PDE11A: variants seen among roughly 807,000 people sequenced by gnomAD.
PDE11A encodes dual 3',5'-cyclic-AMP and -GMP phosphodiesterase 11A.
In PDE11A, 100 loss-of-function variants were observed where a neutral mutation model predicts 100.5. That is an observed-to-expected ratio of 1.00 (90% CI 0.85 to 1.18). The LOEUF (loss-of-function observed/expected upper bound fraction) is 1.18, where lower values mean the gene tolerates loss of function less well. PDE11A is among the 50% of genes most tolerant of loss of function. The probability of loss-of-function intolerance (pLI) is 0.00; values close to 1 mark genes in which losing one functional copy is unlikely to be tolerated. For missense variants in PDE11A, 1,141 were observed against 1,152.6 expected (o/e 0.99, Z 0.15); for synonymous variants, 381 against 420.8 (o/e 0.91, Z 1.16).
At chr2:178,104,326 A>G (rs1316327502) in exon 2 of PDE11A, 9 of 1,614,120 alleles carry the variant, frequency 5.6e-6, no homozygotes, top group East Asian at 2.2e-5. Context: ...GCCTCTGTAT[A>G]AGAAAATCCT....
At chr2:177,993,895 T>C (rs1351122053) in intron 2 of PDE11A, among the ~76,000 whole-genome samples, 1 of 151,832 alleles carries the variant, frequency 6.6e-6, no homozygotes, top group Non-Finnish European at 1.5e-5. Context: ...TATGAGTTAA[T>C]ATATATGTAT....
chr2:177,921,939 G>A (rs1479291167), intron 2 of PDE11A: 5 of 152,222 alleles, frequency 3.3e-5, no homozygotes, highest in African/African-American at 4.8e-5. Flanking sequence ...GATGAATGGG[G>A]AAATCTGACA....
At chr2:178,044,822 C>T (rs2086729365) in intron 1 of PDE11A, among the ~76,000 whole-genome samples, 1 of 152,162 alleles carries the variant, frequency 6.6e-6, no homozygotes, top group Admixed American at 6.5e-5. Context: ...ACATTAGAAA[C>T]TCTCCATTTC....
chr2:177,821,249 A>G (rs111512003), intron 6 of PDE11A, among the ~76,000 whole-genome samples: 2 of 152,008 alleles, frequency 1.3e-5, no homozygotes, highest in African/African-American at 2.4e-5. Context: ...GATATCTTCT[A>G]TTCATTGTAC....
intron 6 of PDE11A, among the ~76,000 whole-genome samples, chr2:177,833,316 T>A (rs2083340873): frequency 6.6e-6 from 1 of 152,196 alleles, no homozygotes; most frequent in Non-Finnish European, 1.5e-5. Context: ...TGTTGCAAAC[T>A]AAGTGATATG....
chr2:177,755,286 T>C (rs2082076420), intron 10 of PDE11A, among the ~76,000 whole-genome samples: 1 of 152,248 alleles, frequency 6.6e-6, no homozygotes, highest in Non-Finnish European at 1.5e-5. Context: ...TTTAAGGACA[T>C]AGTAGAACAT....
intron 2 of PDE11A, among the ~76,000 whole-genome samples, chr2:177,922,193 T>G (rs1258874578): frequency 6.6e-6 from 1 of 152,166 alleles, no homozygotes; most frequent in African/African-American, 2.4e-5. Flanking sequence ...TGCATGACTC[T>G]CAAGTTTATA....
chr2:178,101,983 A>C (rs774260728), intron 2 of PDE11A, among the ~76,000 whole-genome samples: 15 of 151,658 alleles, frequency 9.9e-5, no homozygotes, highest in Admixed American at 2.0e-4. Context: ...TGTTTTTTTG[A>C]GACAGGGTCT....
In PDE11A at chr2:177,631,551, A is replaced by AGTG. The variant is rs1491246368; in HGVS notation, c.2647-1990_2647-1989insCAC. Among the ~76,000 whole-genome samples, 31 of 29,660 alleles carry AGTG rather than the reference A, an allele frequency of 1.0e-3. 8 individuals are homozygous for AGTG. Among genetic ancestry groups the AGTG allele is most frequent in the East Asian group, 2.6e-3 (2 of 768 alleles). 19.5% of individuals were successfully genotyped at this position (29,660 alleles called of 152,430 possible). A position where few individuals can be genotyped will look rare whatever the true frequency, so the allele number is the denominator to read the frequency against. ...TATATATATATATATATATATACAC[A>AGTG]TGTATATATATATATATACATGTAT... On this transcript the variant is annotated intron_variant, in intron 19 of 19. Transcript: ENST00000286063.
At chr2:177,841,270 T>G (rs1415240077) in intron 5 of PDE11A, among the ~76,000 whole-genome samples, 2 of 152,288 alleles carry the variant, frequency 1.3e-5, no homozygotes, top group East Asian at 3.9e-4. Flanking sequence ...TGAGAACTGT[T>G]CAAATTAGTA....
chr2:177,859,503 A>T (rs1219344211), intron 5 of PDE11A, among the ~76,000 whole-genome samples: 1 of 151,974 alleles, frequency 6.6e-6, no homozygotes, highest in Middle Eastern at 3.2e-3. Flanking sequence ...AAGGACAAAT[A>T]GATAATTCAA....
chr2:177,666,904 A>AATTTATTTATGTATTT (rs368385697), intron 18 of PDE11A, among the ~76,000 whole-genome samples: 5 of 141,434 alleles, frequency 3.5e-5, no homozygotes, highest in African/African-American at 1.3e-4. Context: ...GATAAAGTTC[A>AATTTATTTATGTATTT]ATTTATTTAT....
chr2:177,688,720 A>G (rs1030662865), intron 15 of PDE11A, among the ~76,000 whole-genome samples: 22 of 152,236 alleles, frequency 1.4e-4, no homozygotes, highest in African/African-American at 5.3e-4. Flanking sequence ...CTCGCCTGAC[A>G]TATGTCCCAC....
chr2:178,005,724 T>C (rs2086200952), intron 2 of PDE11A, among the ~76,000 whole-genome samples: 1 of 152,220 alleles, frequency 6.6e-6, no homozygotes, highest in Non-Finnish European at 1.5e-5. Context: ...TGGAACACTA[T>C]ATAGCTATTA....
At chr2:177,855,102 C>G (rs1018008951) in intron 5 of PDE11A, among the ~76,000 whole-genome samples, 3 of 151,936 alleles carry the variant, frequency 2.0e-5, no homozygotes, top group Non-Finnish European at 4.4e-5. Flanking sequence ...TTTGTTTATA[C>G]AAAACACCTA....
At chr2:177,955,401 T>C (rs1405081479) in intron 2 of PDE11A, among the ~76,000 whole-genome samples, 1 of 152,166 alleles carries the variant, frequency 6.6e-6, no homozygotes, top group African/African-American at 2.4e-5. Context: ...TGCAGACTTC[T>C]CCATAAGTTA....
intron 2 of PDE11A, among the ~76,000 whole-genome samples, chr2:177,936,936 T>G (rs1311757619): frequency 7.9e-6 from 1 of 126,830 alleles, no homozygotes; most frequent in Non-Finnish European, 1.8e-5. Flanking sequence ...AAAAAAAAAT[T>G]TAAGGGATAC....
intron 2 of PDE11A, among the ~76,000 whole-genome samples, chr2:178,099,700 T>C (rs539601769): frequency 6.6e-6 from 1 of 152,242 alleles, no homozygotes; most frequent in East Asian, 1.9e-4. Flanking sequence ...AAAAATGATA[T>C]GGCTGTTCCT....
Position 177,905,083 on chromosome 2 carries a change from T to C in PDE11A, c.1161+15A>G, listed in dbSNP as rs1222264655. The C allele has an allele frequency of 6.9e-7, 1 of 1,441,422 alleles. No individual in the cohort carries two copies. The highest frequency in any genetic ancestry group is 1.7e-5 in the Admixed American group (1 of 59,796). 89.3% of individuals were successfully genotyped at this position (1,441,422 alleles called of 1,614,324 possible). On this transcript the variant is annotated intron_variant, in intron 3 of 19. Coordinates refer to ENST00000286063, the MANE Select transcript of PDE11A (RefSeq NM_016953.4). ...AGAGTTTTGAGGAGTGTCAACAATG[T>C]TTTTATTTACTCACTCTGCTTCTTT...
Sources: allele counts gnomAD v4.1 joint callset (sites outside exome capture counted in the v4.1 genomes callset), GRCh38; gene constraint gnomAD v4.1.1; transcripts MANE v1.5; gene names NCBI Gene and HGNC (gene_info 2026-07-23, HGNC 2026-07-21).